The following TXLNB variants were observed in gnomAD, a reference collection of about 807,000 sequenced individuals.
TXLNB encodes the protein beta-taxilin.
A neutral mutation model predicts 57.4 loss-of-function variants in TXLNB; 37 were observed. The ratio of observed to expected loss-of-function variants is 0.64; its 90% CI spans 0.50 to 0.85. The LOEUF (loss-of-function observed/expected upper bound fraction) is 0.85, where lower values mean the gene tolerates loss of function less well. Ranked by LOEUF, TXLNB falls within the 40% of genes least tolerant of loss-of-function variation. TXLNB has a pLI of 0.00. For missense variants in TXLNB, 848 were observed against 825.6 expected (o/e 1.03, Z -0.33); for synonymous variants, 302 against 309.6 (o/e 0.98, Z 0.26).
the TXLNB span, among the ~76,000 whole-genome samples, chr6:139,216,057 T>C: frequency 2.0e-5 from 3 of 152,148 alleles, no homozygotes; most frequent in African/African-American, 7.2e-5. Flanking sequence ...ATTGTGGAAG[T>C]CAGTGTGGCG....
downstream of TXLNB, among the ~76,000 whole-genome samples, chr6:139,237,872 A>T (rs1415641604): frequency 6.6e-6 from 1 of 152,170 alleles, no homozygotes; most frequent in African/African-American, 2.4e-5. Context: ...AAGGACTTGC[A>T]TTTGGGTTTA....
the TXLNB span, among the ~76,000 whole-genome samples, chr6:139,220,481 A>C: frequency 6.6e-6 from 1 of 152,160 alleles, no homozygotes; most frequent in Non-Finnish European, 1.5e-5. Context: ...ATCCAAAGGG[A>C]GGCAGGAGTG....
intron 2 of TXLNB, 70 bp from the exon 3 acceptor site, chr6:139,276,991 G>T: frequency 8.7e-7 from 1 of 1,151,208 alleles, no homozygotes; most frequent in Non-Finnish European, 1.2e-6. Context: ...TGGAGTCTCA[G>T]ATTGACCACT....
At chr6:139,282,379 C>A (rs1168639530) in intron 2 of TXLNB, among the ~76,000 whole-genome samples, 2 of 144,630 alleles carry the variant, frequency 1.4e-5, no homozygotes, top group African/African-American at 5.1e-5. Context: ...AAGTTCGAGA[C>A]CAGTCTGGCC....
At position 139,247,899 on chromosome 6, in the gene TXLNB, T is replaced by A; in HGVS notation, c.1088A>T (p.Tyr363Phe). The A allele has an allele frequency of 6.2e-7, 1 of 1,603,074 alleles. No individual in the cohort carries two copies. The highest frequency in any genetic ancestry group is 8.5e-7 in the Non-Finnish European group (1 of 1,173,418). ...CTGGAATTCTTCAAACCTTCCTGAG[T>A]AGAGAGTGAGCTGTAAACAGAGGAA... is the stretch of plus-strand genomic sequence containing the variant. ...ETVLQAQLTL[Y>F]SGRFEEFQST... Residue 363 changes from tyrosine (Y) to phenylalanine (F), a missense_variant, in exon 8 of 10, where the codon TAC (tyrosine) becomes TTC (phenylalanine). Coordinates refer to ENST00000358430, the MANE Select transcript of TXLNB (RefSeq NM_153235.4).
At chr6:139,257,626 A>T (rs1776378107) in intron 6 of TXLNB, among the ~76,000 whole-genome samples, 1 of 152,158 alleles carries the variant, frequency 6.6e-6, no homozygotes, top group Non-Finnish European at 1.5e-5. Flanking sequence ...CGCAGAGATC[A>T]ATCTGGCTAG....
downstream of TXLNB, chr6:139,239,398 C>A (rs188955001): frequency 6.6e-6 from 1 of 152,504 alleles, no homozygotes; most frequent in East Asian, 1.9e-4. The surrounding 1 kb of genome is among the most constrained non-coding windows in gnomAD (Gnocchi z 4.7). Flanking sequence ...GCACTGTCCA[C>A]CAGCACTGCA....
chr6:139,309,870 C>T, the TXLNB span, among the ~76,000 whole-genome samples: 1 of 152,082 alleles, frequency 6.6e-6, no homozygotes, highest in Admixed American at 6.5e-5. Context: ...CAAGAAGACA[C>T]AATGGGGAAA....
chr6:139,189,846 A>T, the TXLNB span, among the ~76,000 whole-genome samples: 1 of 152,208 alleles, frequency 6.6e-6, no homozygotes, highest in Non-Finnish European at 1.5e-5. Context: ...CTGTTGTACT[A>T]TGGAAGTCAC....
the TXLNB span, among the ~76,000 whole-genome samples, chr6:139,187,468 T>C: frequency 2.0e-5 from 3 of 152,346 alleles, no homozygotes; most frequent in African/African-American, 7.2e-5. Context: ...ATTTTGTGTA[T>C]ATGATTTGCC....
chr6:139,178,996 G>C, the TXLNB span: 1 of 152,168 alleles, frequency 6.6e-6, no homozygotes, highest in Non-Finnish European at 1.5e-5. Context: ...CTGCATCTAG[G>C]TTGGTGTTTG....
upstream of TXLNB, among the ~76,000 whole-genome samples, chr6:139,293,044 A>G (rs1295804281): frequency 6.6e-6 from 1 of 152,156 alleles, no homozygotes; most frequent in Non-Finnish European, 1.5e-5. Flanking sequence ...AAGGATCCTG[A>G]GGTAGGGAGG....
intron 7 of TXLNB, 48 bp from the exon 8 acceptor site, chr6:139,247,957 A>C: frequency 8.9e-7 from 1 of 1,121,322 alleles, no homozygotes; most frequent in South Asian, 1.4e-5. Flanking sequence ...TCCAGAAGAA[A>C]ACATGTCATT....
At chr6:139,269,578 T>G (rs1329647314) in intron 4 of TXLNB, among the ~76,000 whole-genome samples, 2 of 152,238 alleles carry the variant, frequency 1.3e-5, no homozygotes, top group Non-Finnish European at 2.9e-5. Context: ...ACCATGATTC[T>G]CTTCTATTTT....
the TXLNB span, among the ~76,000 whole-genome samples, chr6:139,218,316 A>G: frequency 6.6e-6 from 1 of 152,252 alleles, no homozygotes; most frequent in Admixed American, 6.5e-5. Flanking sequence ...TAATTGTCAG[A>G]AATGTGCTAT....
At chr6:139,249,419 A>G (rs1180634799) in intron 7 of TXLNB, among the ~76,000 whole-genome samples, 1 of 152,198 alleles carries the variant, frequency 6.6e-6, no homozygotes, top group African/African-American at 2.4e-5. Context: ...TTCATACAAC[A>G]TAGTTTTTTG....
chr6:139,236,729 C>T (rs1023609552), downstream of TXLNB, among the ~76,000 whole-genome samples: 1 of 152,262 alleles, frequency 6.6e-6, no homozygotes, highest in Non-Finnish European at 1.5e-5. Context: ...CTCAGCCTCC[C>T]AAGTAGCTGG....
chr6:139,251,255 A>C (rs1282228620), intron 7 of TXLNB, among the ~76,000 whole-genome samples: 1 of 152,260 alleles, frequency 6.6e-6, no homozygotes, highest in African/African-American at 2.4e-5. Flanking sequence ...TGCTAAGTAT[A>C]TTTCCAGTGT....
the TXLNB span, chr6:139,165,994 G>T: frequency 3.4e-6 from 1 of 289,868 alleles, no homozygotes; most frequent in Non-Finnish European, 6.4e-6. Flanking sequence ...ACGAGAAATC[G>T]GTATGAGACC....
Sources: allele counts gnomAD v4.1 joint callset (sites outside exome capture counted in the v4.1 genomes callset), GRCh38; gene constraint gnomAD v4.1.1; non-coding constraint Gnocchi (gnomAD v3.1); transcripts MANE v1.5; gene names NCBI Gene and HGNC (gene_info 2026-07-23, HGNC 2026-07-21).